The following DHX9 variants were observed in gnomAD, a reference collection of about 807,000 sequenced individuals.
DHX9 encodes the protein DExH-box helicase 9, also known as ATP-dependent RNA helicase A.
A neutral mutation model predicts 148.7 loss-of-function variants in DHX9; 27 were observed. That is an observed-to-expected ratio of 0.18 (90% CI 0.13 to 0.25). The LOEUF (loss-of-function observed/expected upper bound fraction) is 0.25. Among genes scored for constraint, DHX9 ranks in the 10% least tolerant of loss-of-function variants. The pLI is 1.00. For synonymous variants in DHX9, 529 were observed against 516.6 expected (o/e 1.02, Z -0.33); for missense variants, 796 against 1,559.6 (o/e 0.51, Z 8.25).
chr1:182,872,255 T>C (rs1648580754), intron 14 of DHX9, 82 bp from the exon 15 acceptor site: 1 of 1,169,898 alleles, frequency 8.5e-7, no homozygotes. Context: ...ATTGATGTCT[T>C]ATGGCTGTAT....
At position 182,876,453 on chromosome 1, in the gene DHX9, A is replaced by G; in HGVS notation, c.2036A>G (p.His679Arg). The change falls in exon 18 of 28, where the codon CAT becomes CGT. Residue 679 changes from histidine (H) to arginine (R), a missense_variant. Around this residue, in one of 14 missense-constraint regions of DHX9, gnomAD observed 133 missense variants for 223.8 expected, o/e 0.59. Coordinates refer to ENST00000367549, the MANE Select transcript of DHX9 (RefSeq NM_001357.5). ...GTTCTTTATTGTTATATAGGAAGCC[A>G]TCGGTATCAGATTCTACCCCTGCAT... ...HLEMNPHFGSHRYQILPLHSQ... is the reference protein window; with the variant it reads ...HLEMNPHFGSRRYQILPLHSQ... 6.2e-7 allele frequency: 1 copy of G among 1,613,586 alleles called. No individual in the cohort carries two copies. The highest frequency in any genetic ancestry group is 8.5e-7 in the Non-Finnish European group (1 of 1,179,676).
At chr1:182,872,272 T>A in intron 14 of DHX9, 65 bp from the exon 15 acceptor site, 1 of 1,390,340 alleles carries the variant, frequency 7.2e-7, no homozygotes, top group Non-Finnish European at 9.9e-7. Flanking sequence ...GTATAACTCT[T>A]TTAGGCATAG....
At chr1:182,839,598 G>C (rs1222463467) in intron 1 of DHX9, 142 bp downstream of exon 1, 2 of 152,106 alleles carry the variant, frequency 1.3e-5, no homozygotes, top group Admixed American at 1.3e-4. Context: ...AGCCGCCCGC[G>C]GGTCCCCGGA....
chr1:182,876,177 A>T lies in DHX9; in HGVS notation c.1943A>T (p.Asn648Ile). The T allele has an allele frequency of 6.2e-7, 1 of 1,613,928 alleles. No individual in the cohort carries two copies. Among genetic ancestry groups the T allele is most frequent in the Non-Finnish European group, 8.5e-7 (1 of 1,179,878 alleles). Residue 648 changes from asparagine to isoleucine, a missense_variant, in exon 17 of 28, where the codon AAT becomes ATT. Coordinates refer to ENST00000367549, the MANE Select transcript of DHX9 (RefSeq NM_001357.5). ...EALLKYIETLNVPGAVLVFLP... is the reference protein window; with the variant it reads ...EALLKYIETLIVPGAVLVFLP... ...CTACTTAAGTACATTGAAACCCTTA[A>T]TGTTCCTGGAGCTGTGTTGGTTTTT...
At chr1:182,872,278 C>A (rs1312882520) in intron 14 of DHX9, 59 bp from the exon 15 acceptor site, 25 of 1,424,152 alleles carry the variant, frequency 1.8e-5, no homozygotes, top group Non-Finnish European at 2.4e-5. Context: ...CTCTTTTAGG[C>A]ATAGCTTGTT....
intron 5 of DHX9, 40 bp downstream of exon 5, chr1:182,853,458 T>C (rs769043729): frequency 8.2e-6 from 12 of 1,470,652 alleles, no homozygotes; most frequent in Non-Finnish European, 1.1e-5. Flanking sequence ...GAGAATGTGA[T>C]TTGGGACTTA....
intron 15 of DHX9, among the ~76,000 whole-genome samples, chr1:182,873,230 A>G (rs1417851955): frequency 6.6e-6 from 1 of 152,212 alleles, no homozygotes; most frequent in Non-Finnish European, 1.5e-5. Context: ...TGCTGGGATT[A>G]CAGTCTAGAG....
chr1:182,844,505 G>A lies in DHX9; in HGVS notation c.252+1071G>A, dbSNP rs12076415. On this transcript the variant is annotated intron_variant, in intron 3 of 27. Transcript: ENST00000367549. The stretch of plus-strand genomic sequence containing the variant: ...ACTGTGGGTGTGTGCCGCTACACTA[G>A]GCTCTAGTAGTTTTTAAGAAATAAG... Among the ~76,000 whole-genome samples, 489 of 152,192 alleles carry A rather than the reference G, an allele frequency of 3.2e-3. 17 individuals are homozygous for A. The East Asian group carries it at 0.075, about 23-fold the overall frequency.
intron 4 of DHX9, 48 bp downstream of exon 4, chr1:182,852,392 A>G (rs779624513): frequency 1.5e-4 from 192 of 1,286,646 alleles, no homozygotes; most frequent in Non-Finnish European, 2.0e-4. Flanking sequence ...GATATACACA[A>G]TCTTGATCAC....
At chr1:182,866,682 C>T in intron 13 of DHX9, 97 bp downstream of exon 13, 1 of 1,392,852 alleles carries the variant, frequency 7.2e-7, no homozygotes, top group African/African-American at 1.4e-5. Flanking sequence ...AATAATGAGC[C>T]AGTCTCAGAT....
rs536115548 is a variant in DHX9 at position 182,840,133 on chromosome 1, A to C, written c.-23+677A>C. 5.8e-4 allele frequency among the ~76,000 whole-genome samples: 89 copies of C among 152,230 alleles called. 1 individual carries two copies. The highest frequency in any genetic ancestry group is 2.1e-3 in the African/African-American group (87 of 41,534). On this transcript the variant is annotated intron_variant, in intron 1 of 27. Coordinates refer to ENST00000367549, the MANE Select transcript of DHX9 (RefSeq NM_001357.5). ...TGGGTTTTAGGGTGGCAAGAGTGGA[A>C]ACAAAAACCGTGTAGGACAATATTT...
At chr1:182,864,172 C>CA in intron 12 of DHX9, among the ~76,000 whole-genome samples, 1 of 152,304 alleles carries the variant, frequency 6.6e-6, no homozygotes, top group Admixed American at 6.5e-5. Flanking sequence ...ACTGCAACCT[C>CA]AAACTCCTGG....
chr1:182,849,537 G>A (rs938743792), intron 3 of DHX9, among the ~76,000 whole-genome samples: 8 of 152,210 alleles, frequency 5.3e-5, no homozygotes, highest in Non-Finnish European at 1.2e-4. Flanking sequence ...TGAAGGAGGT[G>A]TGTTGATGGC....
chr1:182,865,811 T>C (rs925589280), intron 12 of DHX9, among the ~76,000 whole-genome samples: 1 of 152,232 alleles, frequency 6.6e-6, no homozygotes, highest in Non-Finnish European at 1.5e-5. Context: ...GTTTTTGTAC[T>C]TAGAAGACAT....
chr1:182,860,365 TAAG>T (rs1668338720), intron 12 of DHX9, 181 bp downstream of exon 12: 6 of 458,686 alleles, frequency 1.3e-5, no homozygotes, highest in Non-Finnish European at 2.2e-5. Flanking sequence ...GCTACACTAA[TAAG>T]CTAAACTGGA....
chr1:182,858,287 T>C, intron 8 of DHX9, 47 bp downstream of exon 8: 1 of 1,586,372 alleles, frequency 6.3e-7, no homozygotes, highest in Non-Finnish European at 8.6e-7. Flanking sequence ...TGAGATTCAA[T>C]TTAGCTCTTG....
chr1:182,884,531 G>A, intron 26 of DHX9, 82 bp from the exon 27 acceptor site: 3 of 1,153,984 alleles, frequency 2.6e-6, no homozygotes, highest in South Asian at 1.3e-5. Context: ...ATTCTATAAT[G>A]TGCCATGTGT....
In DHX9 at chr1:182,846,234, G is replaced by A. The variant is rs193143366; in HGVS notation, c.252+2800G>A. ...AGGGAAATGGGATTGAAGACCAGAT[G>A]TACTTTTTTTTTTTTTTTTTGAGAT... On this transcript the variant is annotated intron_variant, in intron 3 of 27. Transcript: ENST00000367549. Among the ~76,000 whole-genome samples the A allele has an allele frequency of 1.8e-3, 270 of 149,902 alleles. 1 individual carries two copies. The highest frequency in any genetic ancestry group is 2.5e-3 in the Non-Finnish European group (172 of 67,628).
chr1:182,877,259 A>C (rs1648850244), intron 19 of DHX9, among the ~76,000 whole-genome samples: 1 of 152,148 alleles, frequency 6.6e-6, no homozygotes, highest in African/African-American at 2.4e-5. Context: ...CACATGACAA[A>C]TATCCTACCT....
Sources: allele counts gnomAD v4.1 joint callset (sites outside exome capture counted in the v4.1 genomes callset), GRCh38; gene constraint gnomAD v4.1.1; regional missense constraint gnomAD v4.1.1; transcripts MANE v1.5; gene names NCBI Gene and HGNC (gene_info 2026-07-23, HGNC 2026-07-21).